Variants in CCDC102B observed in about 807,000 individuals in gnomAD.
The protein encoded by CCDC102B is coiled-coil domain containing 102B.
CCDC102B carries 75 observed loss-of-function variants against 57.4 expected under a neutral mutation model. That is an observed-to-expected ratio of 1.31 (90% CI 1.08 to 1.58). The LOEUF is 1.58. CCDC102B is among the 40% of genes most tolerant of loss of function. The pLI is 0.00. For synonymous variants in CCDC102B, 206 were observed against 201.9 expected, an observed-to-expected ratio of 1.02 and a Z score of -0.17; for missense variants, 636 against 582.6, an observed-to-expected ratio of 1.09 and a Z score of -0.94.
intron 6 of CCDC102B, among the ~76,000 whole-genome samples, chr18:69,008,368 T>C (rs1231778729): frequency 6.6e-6 from 1 of 152,204 alleles, no homozygotes; most frequent in Non-Finnish European, 1.5e-5. Flanking sequence ...GCGATTGAAG[T>C]GACAGGGCAA....
At chr18:68,743,775 T>G (rs1238395350) in intron 2 of CCDC102B, among the ~76,000 whole-genome samples, 1 of 152,212 alleles carries the variant, frequency 6.6e-6, no homozygotes, top group African/African-American at 2.4e-5. Flanking sequence ...AATGAGTGAT[T>G]GCCTAGCTTG....
chr18:68,840,191 T>TA (rs960253501), intron 3 of CCDC102B, among the ~76,000 whole-genome samples: 1 of 152,174 alleles, frequency 6.6e-6, no homozygotes, highest in African/African-American at 2.4e-5. Context: ...CTCTTAGTTA[T>TA]AAAAATCTTA....
At chr18:68,928,060 T>C (rs1175288656) in intron 6 of CCDC102B, among the ~76,000 whole-genome samples, 2 of 151,920 alleles carry the variant, frequency 1.3e-5, no homozygotes, top group Non-Finnish European at 1.5e-5. Flanking sequence ...AGGTGTGAAC[T>C]TGAGCTCCTC....
intron 6 of CCDC102B, among the ~76,000 whole-genome samples, chr18:68,963,956 T>C (rs551545044): frequency 6.6e-6 from 1 of 152,000 alleles, no homozygotes; most frequent in South Asian, 2.1e-4. Context: ...CCAAAAACTA[T>C]GTATTGCTGG....
intron 2 of CCDC102B, among the ~76,000 whole-genome samples, chr18:68,787,039 G>A (rs879850288): frequency 6.7e-6 from 1 of 150,054 alleles, no homozygotes; most frequent in Non-Finnish European, 1.5e-5. Flanking sequence ...TAGCATGAAG[G>A]GTTGTTGAAT....
chr18:68,737,441 T>C (rs1310643740), intron 2 of CCDC102B, among the ~76,000 whole-genome samples: 1 of 64,332 alleles, frequency 1.6e-5, no homozygotes, highest in Non-Finnish European at 3.3e-5. Context: ...CCCCATTGAC[T>C]GGCGCTTGTG....
intron 1 of CCDC102B, among the ~76,000 whole-genome samples, chr18:68,826,282 G>A (rs901399385): frequency 6.6e-6 from 1 of 152,200 alleles, no homozygotes; most frequent in African/African-American, 2.4e-5. Flanking sequence ...ACACAACTTG[G>A]GGTAGATCTG....
Position 68,826,387 on chromosome 18 carries a change from C to G in CCDC102B, c.-15-10362C>G, listed in dbSNP as rs967023597. On this transcript the variant is annotated intron_variant, in intron 1 of 7. Coordinates refer to ENST00000360242, the MANE Select transcript of CCDC102B (RefSeq NM_024781.3). ...CATTTCCTTGCCACGTGGGCCTCTC[C>G]AAACAACTGCTTATGACATGGCTCT... 2.3e-4 allele frequency among the ~76,000 whole-genome samples: 35 copies of G among 152,162 alleles called. 1 individual carries two copies. Among genetic ancestry groups the G allele is most frequent in the Non-Finnish European group, 7.3e-5 (5 of 68,032 alleles).
At chr18:69,055,248 C>A, downstream of CCDC102B, 1 of 729,358 alleles carries the variant, frequency 1.4e-6, no homozygotes, top group Non-Finnish European at 1.7e-6. Flanking sequence ...GTTTCTCTCC[C>A]AAACATGGGG....
intron 2 of CCDC102B, among the ~76,000 whole-genome samples, chr18:68,788,489 C>A (rs1365746409): frequency 6.6e-6 from 1 of 151,466 alleles, no homozygotes; most frequent in East Asian, 1.9e-4. Context: ...TCGCTCAGGA[C>A]TTGCTTTATG....
chr18:69,036,969 A>G (rs1212747732), intron 7 of CCDC102B, among the ~76,000 whole-genome samples: 1 of 151,964 alleles, frequency 6.6e-6, no homozygotes, highest in African/African-American at 2.4e-5. Flanking sequence ...CTGCATATCA[A>G]TGAAGCTATG....
intron 1 of CCDC102B, among the ~76,000 whole-genome samples, chr18:68,805,815 T>G (rs2036014850): frequency 6.6e-6 from 1 of 152,152 alleles, no homozygotes; most frequent in South Asian, 2.1e-4. Context: ...CATGAAAATT[T>G]TTCTTGTCCC....
intron 4 of CCDC102B, among the ~76,000 whole-genome samples, chr18:68,871,737 G>A (rs533361175): frequency 6.6e-6 from 1 of 152,236 alleles, no homozygotes; most frequent in East Asian, 1.9e-4. Flanking sequence ...GGAGATGAGG[G>A]CTGAGGAGTT....
At chr18:69,056,592 G>A (rs1023003878), downstream of CCDC102B, among the ~76,000 whole-genome samples, 1 of 149,944 alleles carries the variant, frequency 6.7e-6, no homozygotes, top group African/African-American at 2.4e-5. Flanking sequence ...TGCCTACCAT[G>A]GTGTGCTGGG....
At chr18:68,883,326 G>A (rs906016834) in intron 5 of CCDC102B, among the ~76,000 whole-genome samples, 3 of 151,892 alleles carry the variant, frequency 2.0e-5, no homozygotes, top group East Asian at 1.9e-4. Flanking sequence ...CAAGAGAATC[G>A]CTCAAACCCA....
rs561620406 is a variant in CCDC102B at position 68,768,330 on chromosome 18, G to A, written c.-67+51736G>A. ...GGTTTAACTGCATATTCTGCCAGAG[G>A]ATACTCTTGGTTTCACCATTTATAT... On this transcript the variant is annotated intron_variant, in intron 2 of 3. Coordinates refer to the CCDC102B transcript ENST00000578970. Among the ~76,000 whole-genome samples, 6 of 152,274 alleles carry A rather than the reference G, an allele frequency of 3.9e-5. No individual in the cohort carries two copies. The East Asian group carries it at 1.2e-3, about 29-fold the overall frequency.
chr18:68,884,524 A>G (rs758426632), intron 5 of CCDC102B, among the ~76,000 whole-genome samples: 2 of 151,728 alleles, frequency 1.3e-5, no homozygotes, highest in African/African-American at 2.4e-5. Flanking sequence ...GTTGGGGATG[A>G]CGAAATGGGC....
intron 2 of CCDC102B, among the ~76,000 whole-genome samples, chr18:68,722,651 A>G (rs1046812304): frequency 6.6e-6 from 1 of 152,232 alleles, no homozygotes; most frequent in African/African-American, 2.4e-5. Flanking sequence ...TAGATGTTTA[A>G]TCTAAAATGA....
intron 2 of CCDC102B, among the ~76,000 whole-genome samples, chr18:68,745,816 G>C (rs754203966): frequency 2.6e-5 from 4 of 152,198 alleles, no homozygotes; most frequent in Middle Eastern, 3.4e-3. Context: ...TTTCACATGT[G>C]AGTGAGAACA....
Sources: gnomAD v4.1 joint callset for allele counts (sites outside exome capture counted in the v4.1 genomes callset) on GRCh38, gnomAD v4.1.1 for gene constraint, MANE v1.5 for transcripts, NCBI Gene and HGNC (gene_info 2026-07-23, HGNC 2026-07-21) for gene names.